CUX2: variants seen among roughly 807,000 people sequenced by gnomAD.
CUX2 encodes the protein cut like homeobox 2.
Under a neutral mutation model 144.8 loss-of-function variants are expected in CUX2, and 40 were observed. The ratio of observed to expected loss-of-function variants is 0.28; its 90% CI spans 0.21 to 0.36. The LOEUF is 0.36. Among genes scored for constraint, CUX2 ranks in the 10% least tolerant of loss-of-function variants. The pLI, the probability that CUX2 is intolerant of heterozygous loss-of-function variation, is 1.00. For missense variants in CUX2, 1,615 were observed against 1,994.0 expected (o/e 0.81, Z 3.62); for synonymous variants, 827 against 875.6 (o/e 0.94, Z 0.98).
intron 9 of CUX2, among the ~76,000 whole-genome samples, chr12:111,299,593 G>A (rs577761913): frequency 7.9e-5 from 12 of 152,330 alleles, no homozygotes; most frequent in Non-Finnish European, 1.3e-4. Context: ...CTAGGTTACC[G>A]TGGTGGTGGT....
chr12:111,044,186 G>A (rs1329738391), intron 1 of CUX2, among the ~76,000 whole-genome samples: 2 of 152,106 alleles, frequency 1.3e-5, no homozygotes, highest in East Asian at 3.8e-4. Flanking sequence ...TCTGTTTCTT[G>A]TCCCACAGGA....
intron 4 of CUX2, among the ~76,000 whole-genome samples, chr12:111,282,476 A>G (rs117080908): frequency 0.02 from 3,077 of 151,822 alleles, 47 homozygotes; most frequent in Middle Eastern, 0.037. Flanking sequence ...AAAATACAAA[A>G]TTAGTCAGGT....
rs1884242466 is a variant in CUX2, at chr12:111,263,655, CAAAAA to C, written c.223-104_223-100del. 2.2e-6 allele frequency: 2 copies of C among 925,176 alleles called. No homozygotes were observed. Among genetic ancestry groups the C allele is most frequent in the African/African-American group, 1.7e-5 (1 of 58,652 alleles). 57.3% of individuals were successfully genotyped at this position (925,176 alleles called of 1,614,324 possible). A position where few individuals can be genotyped will look rare whatever the true frequency, so the allele number is the denominator to read the frequency against. On this transcript the variant is annotated intron_variant, in intron 3 of 21. Coordinates refer to ENST00000261726, the MANE Select transcript of CUX2 (RefSeq NM_015267.4). The surrounding 1 kb of genome is among the most constrained non-coding windows in gnomAD (Gnocchi z 4.0). ...CAAAACAAAACAAAACAAAACAAAA[CAAAAA>C]ACCTGCAGATGTTTTCTTGTGGAAA... is the stretch of plus-strand genomic sequence containing the variant.
At chr12:111,265,206 C>T (rs985658426) in intron 4 of CUX2, among the ~76,000 whole-genome samples, 4 of 152,052 alleles carry the variant, frequency 2.6e-5, no homozygotes, top group East Asian at 1.9e-4. Flanking sequence ...TGTGGTTTCT[C>T]GGTCCTGGTT....
chr12:111,339,576 C>T (rs181323663), intron 20 of CUX2: 1 of 152,348 alleles, frequency 6.6e-6, no homozygotes, highest in Admixed American at 6.5e-5. Context: ...TAAGCCGAGT[C>T]AGGCCTGGTT....
rs912703357 is a variant in CUX2 at position 111,039,730 on chromosome 12, C to G, written c.63+5490C>G. Among the ~76,000 whole-genome samples, 1 of 152,088 alleles carries G rather than the reference C, an allele frequency of 6.6e-6. No individual in the cohort carries two copies. The highest frequency in any genetic ancestry group is 2.4e-5 in the African/African-American group (1 of 41,414). The stretch of plus-strand genomic sequence containing the variant: ...TATTTTTAGTAGAGACGGGGTTTTG[C>G]AGTGTTGACCAGGCTGGTCTTGAAG... On this transcript the variant is annotated intron_variant, in intron 1 of 21. Coordinates refer to ENST00000261726, the MANE Select transcript of CUX2 (RefSeq NM_015267.4). The surrounding 1 kb of genome is among the most constrained non-coding windows in gnomAD (Gnocchi z 4.2).
intron 4 of CUX2, among the ~76,000 whole-genome samples, chr12:111,278,608 C>T (rs914063617): frequency 6.6e-6 from 1 of 152,170 alleles, no homozygotes; most frequent in East Asian, 1.9e-4. Context: ...GTTAATTGAG[C>T]ACCTACTATG....
At position 111,347,789 on chromosome 12, in the gene CUX2, G is replaced by C. The variant is rs1408229568; in HGVS notation, c.3925G>C (p.Glu1309Gln). The change falls in exon 22 of 22, where the codon GAA becomes CAA. Residue 1309 changes from glutamate to glutamine, a missense_variant. By Grantham distance (29) the Glu-to-Gln change is conservative. This residue lies in a region of CUX2 where 298 missense variants were observed against 330.4 expected (regional missense o/e 0.90). Coordinates refer to ENST00000261726, the MANE Select transcript of CUX2 (RefSeq NM_015267.4). ...GGAACAGATGGAGGAGGATGCTGAG[G>C]AAGAGGCAGGCAGCCAGCCCCAGGA... ...KQEQMEEDAE[E>Q]EAGSQPQDSG... 6.2e-7 allele frequency: 1 copy of C among 1,613,716 alleles called. No individual in the cohort carries two copies. Among genetic ancestry groups the C allele is most frequent in the East Asian group, 2.2e-5 (1 of 44,852 alleles).
chr12:111,321,141 G>C (rs988904791), intron 17 of CUX2, among the ~76,000 whole-genome samples: 2 of 152,048 alleles, frequency 1.3e-5, no homozygotes, highest in Non-Finnish European at 2.9e-5. Flanking sequence ...AGACCAGCCT[G>C]GCCAACGTGG....
At chr12:111,234,875 C>T (rs533421394) in intron 3 of CUX2, among the ~76,000 whole-genome samples, 72 of 152,216 alleles carry the variant, frequency 4.7e-4, no homozygotes, top group Non-Finnish European at 7.1e-4. Flanking sequence ...CACACCACCA[C>T]GCCCAGCTAA....
At chr12:111,208,303 C>T (rs575699938) in intron 1 of CUX2, among the ~76,000 whole-genome samples, 8 of 151,918 alleles carry the variant, frequency 5.3e-5, no homozygotes, top group African/African-American at 9.7e-5. Context: ...CACAGATAGG[C>T]GGGATCTCAG....
At chr12:111,197,226 T>C (rs1159889265) in intron 1 of CUX2, among the ~76,000 whole-genome samples, 1 of 152,230 alleles carries the variant, frequency 6.6e-6, no homozygotes, top group Non-Finnish European at 1.5e-5. Context: ...CAGAGAATAA[T>C]TCCTCTAAAT....
rs189968158 is a variant in CUX2 at position 111,037,051 on chromosome 12, T to A, written c.63+2811T>A. On this transcript the variant is annotated intron_variant, in intron 1 of 21. Coordinates refer to ENST00000261726, the MANE Select transcript of CUX2 (RefSeq NM_015267.4). The surrounding 1 kb of genome is among the most constrained non-coding windows in gnomAD (Gnocchi z 5.4). ...TTTCATTTTTTGCCCCTCCCCTACT[T>A]TCCTCTTATAGGGGAGATAGCCAGA... Among the ~76,000 whole-genome samples the A allele has an allele frequency of 6.6e-6, 1 of 152,268 alleles. No individual in the cohort carries two copies. The highest frequency in any genetic ancestry group is 1.9e-4 in the East Asian group (1 of 5,182).
intron 14 of CUX2, among the ~76,000 whole-genome samples, chr12:111,309,513 G>A (rs1886764184): frequency 6.6e-6 from 1 of 152,092 alleles, no homozygotes. Context: ...GAATGGAGGG[G>A]GTAGGGCAGA....
At chr12:111,111,857 A>G (rs1222397571) in intron 1 of CUX2, among the ~76,000 whole-genome samples, 1 of 152,112 alleles carries the variant, frequency 6.6e-6, no homozygotes, top group African/African-American at 2.4e-5. Flanking sequence ...CCTTTAAAAA[A>G]AAAAGAAATG....
intron 21 of CUX2, among the ~76,000 whole-genome samples, chr12:111,346,369 G>A (rs968373684): frequency 2.0e-5 from 3 of 150,794 alleles, no homozygotes; most frequent in South Asian, 2.1e-4. Context: ...CCAGTTGCTC[G>A]GGAAGCTGAG....
Position 111,171,164 on chromosome 12 carries a change from G to A in CUX2, c.64-43036G>A, listed in dbSNP as rs549869949. Among the ~76,000 whole-genome samples the A allele has an allele frequency of 3.3e-5, 5 of 152,270 alleles. No individual in the cohort carries two copies. Among genetic ancestry groups the A allele is most frequent in the African/African-American group, 1.2e-4 (5 of 41,558 alleles). On this transcript the variant is annotated intron_variant, in intron 1 of 21. Transcript: ENST00000261726. The surrounding 1 kb of genome is among the most constrained non-coding windows in gnomAD (Gnocchi z 5.0). Reference sequence around the variant, plus strand: ...TGGCTGATTCCACTTGGGGGTGACAGAGATGGAGAAGTTGGGCAACCCCCA... The same window carrying A: ...TGGCTGATTCCACTTGGGGGTGACAAAGATGGAGAAGTTGGGCAACCCCCA...
chr12:111,334,827 G>A (rs1888275045), intron 19 of CUX2, 117 bp downstream of exon 19: 3 of 1,119,822 alleles, frequency 2.7e-6, no homozygotes, highest in Non-Finnish European at 3.8e-6. Context: ...CCAGTGCTTT[G>A]GGAGGCCAGG....
intron 14 of CUX2, among the ~76,000 whole-genome samples, chr12:111,309,161 T>C (rs1886747958): frequency 6.6e-6 from 1 of 152,148 alleles, no homozygotes; most frequent in African/African-American, 2.4e-5. Flanking sequence ...TGCCTCAGCC[T>C]CCCAAAGTGC....
Sources: gnomAD v4.1 joint callset for allele counts (sites outside exome capture counted in the v4.1 genomes callset) on GRCh38, gnomAD v4.1.1 for gene constraint, gnomAD v4.1.1 regional missense constraint, Gnocchi (gnomAD v3.1) non-coding constraint, MANE v1.5 for transcripts, NCBI Gene and HGNC (gene_info 2026-07-23, HGNC 2026-07-21) for gene names.